Variants in CLINT1 observed in about 807,000 individuals in gnomAD.
The protein encoded by CLINT1 is clathrin interacting protein localized in the trans-Golgi region.
Under a neutral mutation model 70.4 loss-of-function variants are expected in CLINT1, and 15 were observed. That is an observed-to-expected ratio of 0.21 (90% CI 0.14 to 0.33). The LOEUF is 0.33. Among genes scored for constraint, CLINT1 ranks in the 10% least tolerant of loss-of-function variants. The pLI is 1.00. For synonymous variants in CLINT1, 227 were observed against 254.7 expected (o/e 0.89, Z 1.04); for missense variants, 615 against 778.1 (o/e 0.79, Z 2.49).
At chr5:157,802,485 T>A (rs1160891631) in intron 8 of CLINT1, among the ~76,000 whole-genome samples, 1 of 151,668 alleles carries the variant, frequency 6.6e-6, no homozygotes, top group East Asian at 1.9e-4. Context: ...ACTGAAGAAA[T>A]CATCAATCTC....
intron 4 of CLINT1, among the ~76,000 whole-genome samples, 157 bp from the exon 5 acceptor site, chr5:157,813,384 T>C (rs868437048): frequency 3.3e-5 from 5 of 152,208 alleles, no homozygotes; most frequent in Admixed American, 1.3e-4. Flanking sequence ...AACTTTGTCA[T>C]TTCCTCTTCA....
intron 6 of CLINT1, among the ~76,000 whole-genome samples, chr5:157,809,410 G>A (rs1762477914): frequency 6.6e-6 from 1 of 151,374 alleles, no homozygotes; most frequent in South Asian, 2.1e-4. Context: ...AACCTGTTAT[G>A]AAGGGGAAGT....
At chr5:157,814,411 A>G (rs1196297113) in intron 3 of CLINT1, 118 bp from the exon 4 acceptor site, 1 of 701,674 alleles carries the variant, frequency 1.4e-6, no homozygotes. Flanking sequence ...GCTGGTGGTG[A>G]GGTTTCTTTA....
Sources: gnomAD v4.1 joint callset for allele counts (sites outside exome capture counted in the v4.1 genomes callset) on GRCh38, gnomAD v4.1.1 for gene constraint, MANE v1.5 for transcripts, NCBI Gene and HGNC (gene_info 2026-07-23, HGNC 2026-07-21) for gene names.